Variants in RAB43 observed in about 807,000 individuals in gnomAD.
RAB43 encodes RAB43, member RAS oncogene family.
Under a neutral mutation model 18.8 loss-of-function variants are expected in RAB43, and 6 were observed. The observed-to-expected ratio is 0.32, with a 90% confidence interval of 0.17 to 0.63. The LOEUF (loss-of-function observed/expected upper bound fraction) is 0.63, where lower values mean the gene tolerates loss of function less well. RAB43 is among the 30% of genes least tolerant of loss of function. RAB43 has a pLI of 0.79. For synonymous variants in RAB43, 103 were observed against 124.1 expected (o/e 0.83, Z 1.13); for missense variants, 195 against 289.1 (o/e 0.67, Z 2.36).
chr3:129,120,649 G>A (rs1273858315), intron 1 of RAB43, among the ~76,000 whole-genome samples: 1 of 152,198 alleles, frequency 6.6e-6, no homozygotes, highest in Non-Finnish European at 1.5e-5. Context: ...TCCGGTATCT[G>A]TGAAGTTTTC....
intron 1 of RAB43, among the ~76,000 whole-genome samples, chr3:129,118,117 G>A (rs1460438932): frequency 6.6e-6 from 1 of 152,188 alleles, no homozygotes; most frequent in Non-Finnish European, 1.5e-5. Flanking sequence ...GGATCTAGAG[G>A]CAGAGTATGA....
At chr3:129,097,327 A>T (rs959123308) in intron 1 of RAB43, among the ~76,000 whole-genome samples, 4 of 152,232 alleles carry the variant, frequency 2.6e-5, no homozygotes, top group African/African-American at 9.6e-5. Flanking sequence ...CCAGAACAAC[A>T]GGCAAGAAGA....
chr3:129,103,707 GGT>G (rs990457511), intron 1 of RAB43, among the ~76,000 whole-genome samples: 18 of 152,158 alleles, frequency 1.2e-4, no homozygotes, highest in African/African-American at 4.1e-4. Context: ...TGGGATTACA[GGT>G]GTGTGCCACC....
At chr3:129,091,938 G>GC (rs1933689256) in intron 2 of RAB43, among the ~76,000 whole-genome samples, 1 of 151,984 alleles carries the variant, frequency 6.6e-6, no homozygotes. Context: ...AGGCGTGGTG[G>GC]CGGGGGCCTG....
At chr3:129,101,928 C>T (rs1400352355) in intron 1 of RAB43, among the ~76,000 whole-genome samples, 2 of 152,252 alleles carry the variant, frequency 1.3e-5, no homozygotes, top group African/African-American at 2.4e-5. Flanking sequence ...GCTTTGCACA[C>T]ACACAAAGGC....
intron 1 of RAB43, among the ~76,000 whole-genome samples, chr3:129,116,312 A>C (rs756832039): frequency 2.6e-5 from 4 of 152,232 alleles, no homozygotes; most frequent in Non-Finnish European, 5.9e-5. Context: ...CAGGATTCTA[A>C]GAAACCTCGA....
At chr3:129,096,114 A>G (rs1325366285) in intron 1 of RAB43, among the ~76,000 whole-genome samples, 1 of 152,226 alleles carries the variant, frequency 6.6e-6, no homozygotes, top group South Asian at 2.1e-4. Context: ...CAGGTCCATC[A>G]GCCCCCTTTG....
rs866546987 is a variant in RAB43 at position 129,107,957 on chromosome 3, G to A, written c.205-12788C>T. On this transcript the variant is annotated intron_variant, in intron 1 of 2. Coordinates refer to ENST00000315150, the MANE Select transcript of RAB43 (RefSeq NM_198490.3). The surrounding 1 kb of genome is among the most constrained non-coding windows in gnomAD (Gnocchi z 4.2). ...GCTCCCAGGCACAGCTGGCTGTTTC[G>A]CTGCCTATGGCCCCCAGGCCCACAG... Among the ~76,000 whole-genome samples, 10 of 152,234 alleles carry A rather than the reference G, an allele frequency of 6.6e-5. No homozygotes were observed. The highest frequency in any genetic ancestry group is 3.4e-3 in the Middle Eastern group (1 of 294).
chr3:129,092,534 G>A lies in RAB43; in HGVS notation c.389-1188C>T, dbSNP rs542557169. The A allele has an allele frequency of 1.9e-5, 13 of 700,022 alleles. No homozygotes were observed. In the East Asian group the frequency reaches 2.7e-4, roughly 15 times the overall value. The allele number at this position is 700,022 out of a possible 1,614,324, so 43.4% of individuals were successfully genotyped here. On this transcript the variant is annotated intron_variant, in intron 2 of 2. Transcript: ENST00000315150. ...TCCAACTACTTGGAGGTTGAGGCAG[G>A]AGGATTGCTTGAGGCCAGGAGTTCA... is the stretch of plus-strand genomic sequence containing the variant.
At chr3:129,101,784 G>A (rs112219674) in intron 1 of RAB43, among the ~76,000 whole-genome samples, 54 of 152,290 alleles carry the variant, frequency 3.5e-4, no homozygotes, top group African/African-American at 1.2e-3. Flanking sequence ...TTAAGAGTGT[G>A]GATTTCATTT....
chr3:129,119,164 C>T (rs1237207145), intron 1 of RAB43, among the ~76,000 whole-genome samples: 1 of 152,160 alleles, frequency 6.6e-6, no homozygotes, highest in Non-Finnish European at 1.5e-5. Flanking sequence ...AATCACATTG[C>T]CAAAAGACTA....
At chr3:129,100,777 C>T (rs1488950322) in intron 1 of RAB43, among the ~76,000 whole-genome samples, 1 of 152,150 alleles carries the variant, frequency 6.6e-6, no homozygotes, top group Non-Finnish European at 1.5e-5. Context: ...GCTCTGTCAC[C>T]AGCTTTGTGT....
At chr3:129,099,370 C>T (rs1468589845) in intron 1 of RAB43, among the ~76,000 whole-genome samples, 4 of 150,246 alleles carry the variant, frequency 2.7e-5, no homozygotes, top group Non-Finnish European at 4.4e-5. Flanking sequence ...GGATTACAGG[C>T]GTGAGCCACC....
intron 2 of RAB43, among the ~76,000 whole-genome samples, chr3:129,093,835 C>T (rs867140655): frequency 2.6e-5 from 4 of 151,830 alleles, no homozygotes; most frequent in Admixed American, 6.6e-5. Context: ...GCAGGAGAAT[C>T]GCTTGAACCA....
Position 129,110,015 on chromosome 3 carries a change from A to C in RAB43, c.204+11271T>G, listed in dbSNP as rs374201198. ...GAGTAGCTGGGACTACAGACAAGCA[A>C]CACCATACCTGGCTAATTTTTTTAT... On this transcript the variant is annotated intron_variant, in intron 1 of 2. Transcript: ENST00000315150. 3.1e-3 allele frequency among the ~76,000 whole-genome samples: 471 copies of C among 151,818 alleles called. 3 individuals are homozygous for C. The highest frequency in any genetic ancestry group is 0.011 in the African/African-American group (459 of 41,434).
intron 1 of RAB43, among the ~76,000 whole-genome samples, chr3:129,097,806 G>A (rs368908581): frequency 7.2e-5 from 11 of 152,058 alleles, no homozygotes; most frequent in Admixed American, 5.9e-4. Context: ...ATATGAGGCT[G>A]TCGTTTTTGG....
At chr3:129,099,242 C>T (rs895473681) in intron 1 of RAB43, among the ~76,000 whole-genome samples, 1 of 151,290 alleles carries the variant, frequency 6.6e-6, no homozygotes, top group African/African-American at 2.4e-5. Flanking sequence ...TAGGCGTCCA[C>T]CACCATGCCC....
chr3:129,122,083 C>G (rs1240896315), upstream of RAB43: 1 of 162,110 alleles, frequency 6.2e-6, no homozygotes, highest in Admixed American at 6.7e-5. Context: ...AGCCCGAACT[C>G]GACTCCGTCC....
In RAB43 at chr3:129,121,080, C is replaced by T. The variant is rs78114618; in HGVS notation, c.204+206G>A. 6.6e-3 allele frequency among the ~76,000 whole-genome samples: 982 copies of T among 147,810 alleles called. 26 individuals carry two copies. The highest frequency in any genetic ancestry group is 0.011 in the Middle Eastern group (3 of 284). On this transcript the variant is annotated intron_variant, in intron 1 of 2. Coordinates refer to ENST00000315150, the MANE Select transcript of RAB43 (RefSeq NM_198490.3). The stretch of plus-strand genomic sequence containing the variant: ...TCCACACTCCCTCGCCCCCCCCCCC[C>T]CCAGCAACCCACGGCCGGCGCTTTG...
Sources: allele counts gnomAD v4.1 joint callset (sites outside exome capture counted in the v4.1 genomes callset), GRCh38; gene constraint gnomAD v4.1.1; non-coding constraint Gnocchi (gnomAD v3.1); transcripts MANE v1.5; gene names NCBI Gene and HGNC (gene_info 2026-07-23, HGNC 2026-07-21).